The following RBMS1 variants were observed in gnomAD, a reference collection of about 807,000 sequenced individuals.
RBMS1 encodes the protein RNA-binding motif, single-stranded-interacting protein 1.
RBMS1 carries 17 observed loss-of-function variants against 62.3 expected under a neutral mutation model. The ratio of observed to expected loss-of-function variants is 0.27; its 90% CI spans 0.19 to 0.41. RBMS1 has a LOEUF of 0.41. Ranked by LOEUF, RBMS1 falls within the 10% of genes least tolerant of loss-of-function variation. RBMS1 has a pLI of 1.00. For missense variants in RBMS1, 334 were observed against 504.5 expected (o/e 0.66, Z 3.24); for synonymous variants, 172 against 170.0 (o/e 1.01, Z -0.09).
chr2:160,281,431 C>T (rs1688100560), intron 9 of RBMS1, 67 bp from the exon 10 acceptor site: 2 of 1,272,042 alleles, frequency 1.6e-6, no homozygotes, highest in South Asian at 2.6e-5. Flanking sequence ...TTCTTTAGAA[C>T]TCTTTTTAAT....
intron 1 of RBMS1, chr2:160,402,231 C>A (rs1316090720): frequency 6.6e-6 from 1 of 152,136 alleles, no homozygotes; most frequent in African/African-American, 2.4e-5. Context: ...AATGGTAGAG[C>A]CACAACTTAA....
rs149922282 is a variant in RBMS1 at position 160,448,152 on chromosome 2, T to C, written c.75+45137A>G. 4.7e-3 allele frequency among the ~76,000 whole-genome samples: 717 copies of C among 152,380 alleles called. 4 individuals carry two copies. Among genetic ancestry groups the C allele is most frequent in the African/African-American group, 0.016 (671 of 41,588 alleles). On this transcript the variant is annotated intron_variant, in intron 1 of 13. Transcript: ENST00000348849. ...CCTTTTATAATATTGTCTATTCTTA[T>C]ATTCTTTCCATAATATCAGCTCTAA...
At chr2:160,440,042 G>A (rs1379387480) in intron 1 of RBMS1, among the ~76,000 whole-genome samples, 1 of 148,700 alleles carries the variant, frequency 6.7e-6, no homozygotes, top group Admixed American at 6.8e-5. Context: ...GAGGGAGACC[G>A]TGGAAAGAGA....
At chr2:160,330,130 T>C (rs1336539606) in intron 2 of RBMS1, among the ~76,000 whole-genome samples, 1 of 152,144 alleles carries the variant, frequency 6.6e-6, no homozygotes, top group East Asian at 1.9e-4. Context: ...TCAGGGCTGC[T>C]TAGGAATGTT....
chr2:160,311,244 A>ATC (rs1202404841), intron 4 of RBMS1, among the ~76,000 whole-genome samples: 27 of 88,882 alleles, frequency 3.0e-4, no homozygotes, highest in Admixed American at 5.5e-4. Context: ...ATATATATAT[A>ATC]TATATATATA....
intron 4 of RBMS1, among the ~76,000 whole-genome samples, chr2:160,311,224 C>CTATATATATA (rs1553505400): frequency 2.7e-4 from 15 of 56,592 alleles, no homozygotes; most frequent in African/African-American, 6.2e-4. Context: ...ATCTATCTAT[C>CTATATATATA]TATCTATCTA....
At chr2:160,434,124 G>A (rs930641418) in intron 1 of RBMS1, among the ~76,000 whole-genome samples, 2 of 152,150 alleles carry the variant, frequency 1.3e-5, no homozygotes, top group Non-Finnish European at 2.9e-5. Context: ...TATGAGCACA[G>A]GAGCTGAATT....
At chr2:160,398,480 A>G (rs1695259384) in intron 1 of RBMS1, among the ~76,000 whole-genome samples, 1 of 152,188 alleles carries the variant, frequency 6.6e-6, no homozygotes, top group Non-Finnish European at 1.5e-5. Flanking sequence ...AATGCTTACA[A>G]CCATCTCCCC....
chr2:160,317,182 T>C (rs1690271639), intron 3 of RBMS1, among the ~76,000 whole-genome samples: 1 of 152,182 alleles, frequency 6.6e-6, no homozygotes, highest in East Asian at 1.9e-4. Context: ...AGAAATACAA[T>C]GAACCACTTC....
At chr2:160,363,609 C>CCCTTTGT (rs1693247495) in intron 2 of RBMS1, among the ~76,000 whole-genome samples, 2 of 152,008 alleles carry the variant, frequency 1.3e-5, no homozygotes, top group Non-Finnish European at 2.9e-5. Context: ...AAAGAAGAAT[C>CCCTTTGT]CACAAAACTT....
chr2:160,371,241 CAAAGGGACAA>C (rs1693707303), intron 1 of RBMS1, among the ~76,000 whole-genome samples: 1 of 152,166 alleles, frequency 6.6e-6, no homozygotes, highest in African/African-American at 2.4e-5. Context: ...AAAAAGCTTA[CAAAGGGACAA>C]AAAGGGACAA....
intron 1 of RBMS1, among the ~76,000 whole-genome samples, chr2:160,421,426 T>C (rs560596523): frequency 2.0e-5 from 3 of 152,188 alleles, no homozygotes; most frequent in East Asian, 1.9e-4. Context: ...AGATAGTTTG[T>C]TGAGAATGAT....
intron 1 of RBMS1, among the ~76,000 whole-genome samples, chr2:160,462,668 G>T (rs890825084): frequency 1.3e-5 from 2 of 152,176 alleles, no homozygotes; most frequent in African/African-American, 4.8e-5. Flanking sequence ...GAGTGCAATA[G>T]CGCAATCTCG....
Position 160,287,080 on chromosome 2 carries a change from G to C in RBMS1, c.645C>G (p.Pro215=). 1.2e-6 allele frequency: 2 copies of C among 1,613,954 alleles called. No homozygotes were observed. The highest frequency in any genetic ancestry group is 1.7e-6 in the Non-Finnish European group (2 of 1,180,002). Residue 215 remains proline (P), a synonymous_variant, in exon 7 of 14, where the codon CCC becomes CCG. Coordinates refer to ENST00000348849, the MANE Select transcript of RBMS1 (RefSeq NM_016836.4). ...FIKTPPGVSA[P]TEPLLCKFAD... Reference sequence around the variant, plus strand: ...CAAACTTACACAATAAAGGTTCTGTGGGGGCTAAGTAAACAGAGAAAAATA... The same window carrying C: ...CAAACTTACACAATAAAGGTTCTGTCGGGGCTAAGTAAACAGAGAAAAATA...
At chr2:160,367,485 T>C (rs922883341) in intron 1 of RBMS1, 94 bp from the exon 2 acceptor site, 2 of 1,537,852 alleles carry the variant, frequency 1.3e-6, no homozygotes, top group Non-Finnish European at 1.7e-6. Flanking sequence ...TAGATTACTT[T>C]AAGCTACTTT....
At chr2:160,398,521 C>G (rs1695262575) in intron 1 of RBMS1, among the ~76,000 whole-genome samples, 1 of 152,150 alleles carries the variant, frequency 6.6e-6, no homozygotes, top group African/African-American at 2.4e-5. Flanking sequence ...GTGGTTTTCA[C>G]TAGGGGTGTG....
chr2:160,373,326 AT>A (rs979284746), intron 1 of RBMS1, among the ~76,000 whole-genome samples: 1 of 152,140 alleles, frequency 6.6e-6, no homozygotes, highest in African/African-American at 2.4e-5. Context: ...ATAAACCATC[AT>A]TTTCTTATGC....
intron 4 of RBMS1, among the ~76,000 whole-genome samples, chr2:160,308,512 A>G (rs1440995943): frequency 6.6e-6 from 1 of 152,148 alleles, no homozygotes; most frequent in Non-Finnish European, 1.5e-5. Flanking sequence ...AGATACTCAA[A>G]CTCATGGTTC....
At chr2:160,300,596 G>A (rs1689157898) in intron 6 of RBMS1, 55 bp downstream of exon 6, 2 of 1,523,952 alleles carry the variant, frequency 1.3e-6, no homozygotes, top group Non-Finnish European at 1.8e-6. Context: ...ATGTGCTAAA[G>A]TTAAACATAC....
Sources: gnomAD v4.1 joint callset for allele counts (sites outside exome capture counted in the v4.1 genomes callset) on GRCh38, gnomAD v4.1.1 for gene constraint, MANE v1.5 for transcripts, NCBI Gene and HGNC (gene_info 2026-07-23, HGNC 2026-07-21) for gene names.